ECI1: variants seen among roughly 807,000 people sequenced by gnomAD.
ECI1 encodes enoyl-CoA delta isomerase 1, mitochondrial.
ECI1 carries 34 observed loss-of-function variants against 34.2 expected under a neutral mutation model. The observed-to-expected ratio is 1.00, with a 90% CI of 0.76 to 1.33. The LOEUF (loss-of-function observed/expected upper bound fraction) is 1.33, where lower values mean the gene tolerates loss of function less well. Among genes scored for constraint, ECI1 ranks in the 40% most tolerant of loss-of-function variants. The probability of loss-of-function intolerance (pLI) is 0.00; values close to 1 mark genes in which losing one functional copy is unlikely to be tolerated. For synonymous variants in ECI1, 211 were observed against 193.0 expected, an observed-to-expected ratio of 1.09 and a Z score of -0.77; for missense variants, 456 against 422.2, an observed-to-expected ratio of 1.08 and a Z score of -0.70.
Position 2,244,354 on chromosome 16 carries a change from T to C in ECI1, c.441+52A>G, listed in dbSNP as rs160555. On this transcript the variant is annotated intron_variant, in intron 4 of 6. Transcript: ENST00000301729. ...GCAGGACAGTGTCTGTCCCACCCCCTGGCGCTGGCCCAGAACAGCCAGCGA... is the reference window on the plus strand; with the variant it reads ...GCAGGACAGTGTCTGTCCCACCCCCCGGCGCTGGCCCAGAACAGCCAGCGA... 0.02 allele frequency: 32,308 copies of C among 1,586,812 alleles called. 5,119 individuals are homozygous for C. In the African/African-American group the frequency reaches 0.36, roughly 18 times the overall value.
rs377302541 is a variant in ECI1 at position 2,239,956 on chromosome 16, G to A, written c.*23C>T. The A allele has an allele frequency of 1.2e-5, 20 of 1,612,952 alleles. No individual in the cohort carries two copies. Among genetic ancestry groups the A allele is most frequent in the Middle Eastern group, 1.6e-4 (1 of 6,084 alleles). ...GGGACCCACAGGGGCACGTGTGGCC[G>A]TAAGCCTGTGGCAGCCCAATCGTTA... On this transcript the variant is annotated 3_prime_UTR_variant, in exon 7 of 7. Coordinates refer to ENST00000301729, the MANE Select transcript of ECI1 (RefSeq NM_001919.4).
At position 2,251,376 on chromosome 16, in the gene ECI1, C is replaced by T. The variant is rs1596790970; in HGVS notation, c.106G>A (p.Gly36Arg). 3 of 1,249,208 alleles carry T rather than the reference C, an allele frequency of 2.4e-6. No individual in the cohort carries two copies. Among genetic ancestry groups the T allele is most frequent in the Admixed American group, 4.1e-5 (1 of 24,398 alleles). 77.4% of individuals were successfully genotyped at this position (1,249,208 alleles called of 1,614,324 possible). A position where few individuals can be genotyped will look rare whatever the true frequency, so the allele number is the denominator to read the frequency against. Residue 36 changes from glycine to arginine, a missense_variant, in exon 2 of 7, where the codon GGA becomes AGA. Physicochemically the swap from Gly to Arg is moderately radical, Grantham distance 125 (BLOSUM62 -2). Coordinates refer to ENST00000301729, the MANE Select transcript of ECI1 (RefSeq NM_001919.4). ...CTCCCGAAGCGCCGCGCGCCGTCTCCGCCGCCGGCCGCCCGCTCCGTCCGC... is the reference window on the plus strand; with the variant it reads ...CTCCCGAAGCGCCGCGCGCCGTCTCTGCCGCCGGCCGCCCGCTCCGTCCGC... ...LGRTERAAGG[G>R]DGARRFGSQR...
intron 4 of ECI1, 133 bp from the exon 5 acceptor site, chr16:2,243,572 T>G (rs2141498771): frequency 9.0e-7 from 1 of 1,109,996 alleles, no homozygotes; most frequent in African/African-American, 1.5e-5. Flanking sequence ...CCCACAATGG[T>G]CTGGGCTGGG....
At chr16:2,251,454 C>G in intron 1 of ECI1, 25 bp from the exon 2 acceptor site, 1 of 1,513,454 alleles carries the variant, frequency 6.6e-7, no homozygotes, top group Non-Finnish European at 8.8e-7. Context: ...TGGGGGAGCC[C>G]GTTAGTTCCC....
In ECI1 at chr16:2,244,465, C is replaced by T. The variant is rs200130130; in HGVS notation, c.382G>A (p.Val128Ile). 114 of 1,612,038 alleles carry T rather than the reference C, an allele frequency of 7.1e-5. No individual in the cohort carries two copies. The highest frequency in any genetic ancestry group is 1.6e-4 in the African/African-American group (12 of 75,046). ...PAHYAGYWKA[V>I]QELWLRLYQS... is the part of the protein sequence containing the mutation. ...TACAACCGCAGCCACAGCTCCTGAA[C>T]GGCCTTCCAGTACCCAGCGTAGTGG... The change falls in exon 4 of 7, where the codon GTT (valine) becomes ATT (isoleucine). Residue 128 changes from valine to isoleucine, a missense_variant. By Grantham distance (29) the Val-to-Ile change is conservative. Transcript: ENST00000301729.
At chr16:2,248,593 T>C (rs909491558) in intron 2 of ECI1, among the ~76,000 whole-genome samples, 1 of 151,772 alleles carries the variant, frequency 6.6e-6, no homozygotes, top group Non-Finnish European at 1.5e-5. Flanking sequence ...TTTGCATTTT[T>C]AGTAGAGACG....
rs1256306033 is a variant in ECI1 at position 2,239,636 on chromosome 16, C to A, written c.*343G>T. Reference sequence around the variant, plus strand: ...GGCCTTACACCTAAGAGCAGGCAGTCCAAAGGCCAGAATGGATGACCAGGG... The same window carrying A: ...GGCCTTACACCTAAGAGCAGGCAGTACAAAGGCCAGAATGGATGACCAGGG... On this transcript the variant is annotated 3_prime_UTR_variant, in exon 7 of 7. Coordinates refer to ENST00000301729, the MANE Select transcript of ECI1 (RefSeq NM_001919.4). The A allele has an allele frequency of 1.9e-5, 7 of 374,342 alleles. No homozygotes were observed. The East Asian group carries it at 3.3e-4, about 18-fold the overall frequency. The allele number at this position is 374,342 out of a possible 1,614,324, so 23.2% of individuals were successfully genotyped here.
chr16:2,246,702 C>A (rs116419478), intron 3 of ECI1, among the ~76,000 whole-genome samples, 157 bp downstream of exon 3: 1 of 152,196 alleles, frequency 6.6e-6, no homozygotes, highest in African/African-American at 2.4e-5. Flanking sequence ...GGAAGCCTCC[C>A]GTGAAGGCGC....
At chr16:2,247,127 C>T (rs867913382) in intron 2 of ECI1, 141 bp from the exon 3 acceptor site, 21 of 1,093,680 alleles carry the variant, frequency 1.9e-5, no homozygotes, top group Middle Eastern at 5.4e-4. Context: ...GACAGAGTCT[C>T]GCTCTGTCAC....
At position 2,243,381 on chromosome 16, in the gene ECI1, G is replaced by A. The variant is rs553573557; in HGVS notation, c.500C>T (p.Ala167Val). The change falls in exon 5 of 7, where the codon GCG becomes GTG. Residue 167 changes from alanine (A) to valine (V), a missense_variant. By Grantham distance (64) the Ala-to-Val change is moderately conservative. Transcript: ENST00000301729. ...TCCTATGCAGTACCTGGGGTTGTCC[G>A]CCAGGATGCGGTAGTCACAGGTCAG... Reference protein sequence around the residue: ...VALTCDYRILADNPRYCIGLN... With the variant: ...VALTCDYRILVDNPRYCIGLN... 4.2e-5 allele frequency: 68 copies of A among 1,613,582 alleles called. No homozygotes were observed. The Admixed American group carries it at 9.5e-4, about 23-fold the overall frequency.
At chr16:2,250,694 G>C (rs1596790310) in intron 2 of ECI1, among the ~76,000 whole-genome samples, 1 of 152,348 alleles carries the variant, frequency 6.6e-6, no homozygotes, top group Non-Finnish European at 1.5e-5. Flanking sequence ...TGACGGGCGG[G>C]TAGGTACGAG....
Position 2,246,981 on chromosome 16 carries a change from C to A in ECI1, c.172G>T (p.Ala58Ser), listed in dbSNP as rs72766670. ...LVEPDAGAGV[A>S]VMKFKNPPVN... is the part of the protein sequence containing the mutation. ...GGGGGGTTCTTGAATTTCATCACAG[C>A]GACCCCTAATTTAAAGAATGAGAAG... Residue 58 changes from alanine to serine, a missense_variant, in exon 3 of 7, where the codon GCT becomes TCT. Physicochemically the swap from Ala to Ser is moderately conservative, Grantham distance 99. Transcript: ENST00000301729. 1 of 1,613,208 alleles carries A rather than the reference C, an allele frequency of 6.2e-7. No individual in the cohort carries two copies. Among genetic ancestry groups the A allele is most frequent in the Non-Finnish European group, 8.5e-7 (1 of 1,179,954 alleles).
intron 3 of ECI1, among the ~76,000 whole-genome samples, chr16:2,245,499 C>T (rs2093538283): frequency 6.6e-6 from 1 of 152,248 alleles, no homozygotes; most frequent in Non-Finnish European, 1.5e-5. Context: ...TGTTCCCAAA[C>T]AGGTGTGAGC....
At chr16:2,244,796 G>A (rs1012024460) in intron 3 of ECI1, among the ~76,000 whole-genome samples, 46 of 152,220 alleles carry the variant, frequency 3.0e-4, no homozygotes, top group African/African-American at 1.0e-3. Context: ...GGATAGGAGA[G>A]GACAGGCAGC....
At chr16:2,247,521 C>T (rs936349953) in intron 2 of ECI1, among the ~76,000 whole-genome samples, 4 of 152,202 alleles carry the variant, frequency 2.6e-5, no homozygotes, top group Admixed American at 2.6e-4. Flanking sequence ...CCTCAGCCTC[C>T]CGAGTAGCTA....
intron 1 of ECI1, 39 bp downstream of exon 1, chr16:2,251,470 TGGCCCC>T (rs764087034): frequency 3.2e-6 from 5 of 1,538,756 alleles, no homozygotes; most frequent in East Asian, 2.5e-5. Flanking sequence ...TTCCCGGTCC[TGGCCCC>T]GGCCCCGGCC....
intron 3 of ECI1, among the ~76,000 whole-genome samples, chr16:2,245,738 T>A (rs1039993449): frequency 1.3e-5 from 2 of 151,498 alleles, no homozygotes; most frequent in African/African-American, 4.9e-5. Flanking sequence ...ATTAACCAGG[T>A]GCAATGGCTC....
intron 2 of ECI1, among the ~76,000 whole-genome samples, chr16:2,248,114 C>T (rs1016898574): frequency 2.6e-5 from 4 of 151,876 alleles, no homozygotes; most frequent in Non-Finnish European, 4.4e-5. Context: ...TCATTTTTTT[C>T]TGAGACAGAG....
chr16:2,251,251 C>A (rs1355226365), intron 2 of ECI1, 65 bp downstream of exon 2: 12 of 808,882 alleles, frequency 1.5e-5, no homozygotes, highest in South Asian at 5.7e-5. Context: ...CGACAGCACC[C>A]CGCGAGCGCG....
Sources: allele counts gnomAD v4.1 joint callset (sites outside exome capture counted in the v4.1 genomes callset), GRCh38; gene constraint gnomAD v4.1.1; transcripts MANE v1.5; gene names NCBI Gene and HGNC (gene_info 2026-07-23, HGNC 2026-07-21).